PLD5: variants seen among roughly 807,000 people sequenced by gnomAD.
PLD5 encodes the protein phospholipase D family member 5.
In PLD5, 36 loss-of-function variants were observed where a neutral mutation model predicts 61.1. The observed-to-expected ratio is 0.59, with a 90% confidence interval of 0.45 to 0.78. PLD5 has a LOEUF of 0.78. Ranked by LOEUF, PLD5 falls within the 30% of genes least tolerant of loss-of-function variation. PLD5 has a pLI of 0.00. For missense variants in PLD5, 515 were observed against 644.4 expected, an observed-to-expected ratio of 0.80 and a Z score of 2.17; for synonymous variants, 243 against 242.8, an observed-to-expected ratio of 1.00 and a Z score of -0.01.
In PLD5 at chr1:242,170,032, C is replaced by T. The variant is rs192828589; in HGVS notation, c.736-45367G>A. ...TTCAACAGACTTAAACGCCCCTGCC[C>T]AATGGCTCTGAAGAGAGCAACAGAC... On this transcript the variant is annotated intron_variant, in intron 5 of 9. Transcript: ENST00000536534. 1.2e-3 allele frequency among the ~76,000 whole-genome samples: 189 copies of T among 152,318 alleles called. 1 individual carries two copies. The highest frequency in any genetic ancestry group is 2.2e-3 in the Non-Finnish European group (152 of 68,028).
chr1:242,526,243 A>T (rs1445497284), upstream of PLD5, among the ~76,000 whole-genome samples: 4 of 152,074 alleles, frequency 2.6e-5, no homozygotes, highest in Non-Finnish European at 5.9e-5. Flanking sequence ...TAAATTAGCC[A>T]GGCGTGGTGG....
intron 3 of PLD5, among the ~76,000 whole-genome samples, chr1:242,285,566 C>T (rs1156998791): frequency 1.3e-5 from 2 of 151,594 alleles, no homozygotes; most frequent in African/African-American, 4.9e-5. Flanking sequence ...GCCTCTACTC[C>T]TATCATTCAA....
Position 242,399,364 on chromosome 1 carries a change from C to T in PLD5, c.190-51122G>A, listed in dbSNP as rs192743106. Reference sequence around the variant, plus strand: ...TAAACATGATCAAATCCAATTTATGCTTGAAAAAGATGTTGGCACTCACTT... The same window carrying T: ...TAAACATGATCAAATCCAATTTATGTTTGAAAAAGATGTTGGCACTCACTT... On this transcript the variant is annotated intron_variant, in intron 1 of 9. Transcript: ENST00000536534. 1.2e-3 allele frequency among the ~76,000 whole-genome samples: 190 copies of T among 152,244 alleles called. 1 individual carries two copies. The highest frequency in any genetic ancestry group is 4.4e-3 in the African/African-American group (181 of 41,540).
At chr1:242,485,975 T>G (rs936202935) in intron 1 of PLD5, among the ~76,000 whole-genome samples, 11 of 152,122 alleles carry the variant, frequency 7.2e-5, no homozygotes, top group Admixed American at 2.6e-4. Context: ...AAGGATTCCC[T>G]ATTTAATAAA....
At chr1:242,476,674 C>T (rs1236725280) in intron 1 of PLD5, among the ~76,000 whole-genome samples, 2 of 152,192 alleles carry the variant, frequency 1.3e-5, no homozygotes. Context: ...GGTGACACTT[C>T]ATCTAAAATT....
chr1:242,356,591 C>T (rs1168030799), intron 1 of PLD5, among the ~76,000 whole-genome samples: 1 of 151,896 alleles, frequency 6.6e-6, no homozygotes, highest in East Asian at 1.9e-4. Context: ...TTACTATTGC[C>T]ATTTTGTTGT....
At chr1:242,136,600 C>A (rs1663749408) in intron 5 of PLD5, among the ~76,000 whole-genome samples, 1 of 152,128 alleles carries the variant, frequency 6.6e-6, no homozygotes, top group Admixed American at 6.6e-5. Flanking sequence ...TAAACTCCCA[C>A]AAAACACCCA....
intron 1 of PLD5, among the ~76,000 whole-genome samples, chr1:242,424,117 G>A (rs981345330): frequency 9.2e-5 from 14 of 152,178 alleles, no homozygotes; most frequent in Non-Finnish European, 2.1e-4. Context: ...TGAGAGTGAA[G>A]ATAAGTGTTT....
intron 5 of PLD5, among the ~76,000 whole-genome samples, chr1:242,160,247 C>G (rs1228409569): frequency 6.6e-6 from 1 of 152,116 alleles, no homozygotes; most frequent in African/African-American, 2.4e-5. Context: ...TCTCAAACTC[C>G]TGGGCTCAAG....
intron 1 of PLD5, among the ~76,000 whole-genome samples, chr1:242,379,116 T>G (rs1662138555): frequency 6.6e-6 from 1 of 152,144 alleles, no homozygotes; most frequent in African/African-American, 2.4e-5. Context: ...TAGCTTAATA[T>G]ATCTGTCCAG....
At chr1:242,508,512 C>A (rs1325641860) in intron 1 of PLD5, among the ~76,000 whole-genome samples, 1 of 152,204 alleles carries the variant, frequency 6.6e-6, no homozygotes, top group Non-Finnish European at 1.5e-5. Flanking sequence ...TTCCGACAAG[C>A]ACATCCTCCC....
At chr1:242,394,967 G>GA (rs1367938901) in intron 1 of PLD5, among the ~76,000 whole-genome samples, 8 of 69,828 alleles carry the variant, frequency 1.1e-4, no homozygotes, top group African/African-American at 2.4e-4. Context: ...GAATATATAT[G>GA]ATTATATATG....
Position 242,254,211 on chromosome 1 carries a change from A to G in PLD5, c.607+11126T>C, listed in dbSNP as rs1672881398. On this transcript the variant is annotated intron_variant, in intron 4 of 9. Coordinates refer to ENST00000536534, the MANE Select transcript of PLD5 (RefSeq NM_001372062.1). ...ACACAAATAGTACACACTTGGGTAA[A>G]TTAAGGCAACAGCTATAGTGGATGT... 2.6e-5 allele frequency among the ~76,000 whole-genome samples: 4 copies of G among 152,346 alleles called. No individual in the cohort carries two copies. The South Asian group carries it at 8.3e-4, about 32-fold the overall frequency.
chr1:242,215,686 G>A (rs539969196), intron 5 of PLD5, among the ~76,000 whole-genome samples: 223 of 152,080 alleles, frequency 1.5e-3, no homozygotes, highest in African/African-American at 4.5e-3. Flanking sequence ...GACCTAACCC[G>A]GTACCAGAAA....
chr1:242,241,886 TATATATATATATATATATATATATAC>T (rs201885644), intron 4 of PLD5, among the ~76,000 whole-genome samples: 11,798 of 55,394 alleles, frequency 0.21, 858 homozygotes, highest in Middle Eastern at 0.31. Context: ...TATATATATA[TATATATATATATATATATATATATAC>T]TTACTGTATA....
At chr1:242,449,977 C>T (rs1048489908) in intron 1 of PLD5, among the ~76,000 whole-genome samples, 6 of 152,200 alleles carry the variant, frequency 3.9e-5, no homozygotes, top group African/African-American at 1.4e-4. Context: ...AAGAAAAGTT[C>T]TTTACTCATC....
chr1:242,393,193 C>G (rs548149388), intron 1 of PLD5, among the ~76,000 whole-genome samples: 100 of 130,522 alleles, frequency 7.7e-4, no homozygotes, highest in African/African-American at 3.0e-3. Context: ...AAGACGACGA[C>G]TCCGTCTCAA....
intron 1 of PLD5, among the ~76,000 whole-genome samples, chr1:242,507,624 T>C (rs1019850392): frequency 7.2e-5 from 11 of 152,234 alleles, no homozygotes; most frequent in Non-Finnish European, 1.5e-5. Flanking sequence ...GGACAGCTAA[T>C]CTTGAAATTA....
intron 5 of PLD5, among the ~76,000 whole-genome samples, chr1:242,139,851 C>T (rs1255476345): frequency 6.6e-6 from 1 of 152,178 alleles, no homozygotes; most frequent in Admixed American, 6.5e-5. Flanking sequence ...GATGGAGCAT[C>T]TGGCCTCTGC....
Sources: gnomAD v4.1 joint callset for allele counts (sites outside exome capture counted in the v4.1 genomes callset) on GRCh38, gnomAD v4.1.1 for gene constraint, MANE v1.5 for transcripts, NCBI Gene and HGNC (gene_info 2026-07-23, HGNC 2026-07-21) for gene names.